Variants in SPSB4 observed in about 807,000 individuals in gnomAD.
The protein encoded by SPSB4 is splA/ryanodine receptor domain and SOCS box containing 4, also known as SPRY domain-containing SOCS box protein 4.
A neutral mutation model predicts 20.9 loss-of-function variants in SPSB4; 21 were observed. The ratio of observed to expected loss-of-function variants is 1.01; its 90% confidence interval spans 0.71 to 1.45. The LOEUF (loss-of-function observed/expected upper bound fraction) is 1.45, where lower values mean the gene tolerates loss of function less well. Ranked by LOEUF, SPSB4 falls within the 40% of genes most tolerant of loss-of-function variation. The probability of loss-of-function intolerance (pLI) is 0.00; values close to 1 mark genes in which losing one functional copy is unlikely to be tolerated. For missense variants in SPSB4, 399 were observed against 399.2 expected (o/e 1.00, Z 0.00); for synonymous variants, 207 against 183.8 (o/e 1.13, Z -1.02).
At chr3:141,122,006 G>A (rs1482630501) in intron 2 of SPSB4, among the ~76,000 whole-genome samples, 1 of 152,130 alleles carries the variant, frequency 6.6e-6, no homozygotes, top group Non-Finnish European at 1.5e-5. Context: ...TCTGGTTTTT[G>A]GAATTTTCAG....
At chr3:141,118,390 G>A (rs1263356941) in intron 2 of SPSB4, among the ~76,000 whole-genome samples, 1 of 151,980 alleles carries the variant, frequency 6.6e-6, no homozygotes, top group East Asian at 1.9e-4. Flanking sequence ...CTGGATATTA[G>A]CCCTTTGTTA....
At chr3:141,132,217 A>T (rs1325734236) in intron 2 of SPSB4, 2 of 434,222 alleles carry the variant, frequency 4.6e-6, no homozygotes, top group Admixed American at 5.1e-5. Context: ...GCCCTGGCCA[A>T]AGTGCAGTGG....
intron 2 of SPSB4, among the ~76,000 whole-genome samples, chr3:141,120,848 G>A (rs1938954811): frequency 6.6e-6 from 1 of 152,038 alleles, no homozygotes; most frequent in South Asian, 2.1e-4. Context: ...ACACTGATGG[G>A]TCTTGACTCT....
chr3:141,081,324 G>A (rs1371877322), intron 2 of SPSB4, among the ~76,000 whole-genome samples: 1 of 152,210 alleles, frequency 6.6e-6, no homozygotes, highest in East Asian at 1.9e-4. Flanking sequence ...GCGGCTCAAA[G>A]TTCTACTGGA....
At chr3:141,130,273 A>G (rs1225005110) in intron 2 of SPSB4, among the ~76,000 whole-genome samples, 2 of 152,196 alleles carry the variant, frequency 1.3e-5, no homozygotes, top group African/African-American at 4.8e-5. Context: ...AAGATGAGGC[A>G]TGTTCCTGGC....
intron 2 of SPSB4, among the ~76,000 whole-genome samples, chr3:141,139,534 G>A (rs1411709582): frequency 6.6e-6 from 1 of 152,158 alleles, no homozygotes. Flanking sequence ...AGGCCTGGTG[G>A]TAACAAAATC....
intron 2 of SPSB4, among the ~76,000 whole-genome samples, chr3:141,105,745 A>G (rs2107796677): frequency 6.6e-6 from 1 of 152,340 alleles, no homozygotes; most frequent in East Asian, 1.9e-4. Flanking sequence ...AAGAAGACAC[A>G]ATGTAAGTAA....
intron 2 of SPSB4, among the ~76,000 whole-genome samples, chr3:141,085,920 G>A (rs532241162): frequency 1.5e-4 from 23 of 152,338 alleles, no homozygotes; most frequent in African/African-American, 4.8e-4. Flanking sequence ...GGGTTTCTTG[G>A]TGCTCTGCAG....
At chr3:141,080,699 C>G (rs1938214394) in intron 2 of SPSB4, among the ~76,000 whole-genome samples, 1 of 152,236 alleles carries the variant, frequency 6.6e-6, no homozygotes, top group South Asian at 2.1e-4. Flanking sequence ...GCTGCGCAAG[C>G]CACCCAGGAG....
chr3:141,064,300 TGAA>T (rs1264357294), intron 1 of SPSB4, among the ~76,000 whole-genome samples: 1 of 152,256 alleles, frequency 6.6e-6, no homozygotes, highest in Non-Finnish European at 1.5e-5. Context: ...TCTAGTTTGC[TGAA>T]GAAGGAGTTT....
At chr3:141,102,399 C>T (rs565131432) in intron 2 of SPSB4, among the ~76,000 whole-genome samples, 4 of 152,186 alleles carry the variant, frequency 2.6e-5, no homozygotes, top group South Asian at 2.1e-4. Context: ...GGTGGCATGT[C>T]GGGAAGGTAG....
chr3:141,109,596 T>C (rs1479163236), intron 2 of SPSB4, among the ~76,000 whole-genome samples: 1 of 152,096 alleles, frequency 6.6e-6, no homozygotes, highest in African/African-American at 2.4e-5. Context: ...TCCATCGGCC[T>C]CGTGATGTGG....
chr3:141,093,319 G>T (rs929036001), intron 2 of SPSB4, among the ~76,000 whole-genome samples: 1 of 151,776 alleles, frequency 6.6e-6, no homozygotes, highest in African/African-American at 2.4e-5. Flanking sequence ...ATTGCAGTAA[G>T]CACTTTTCAT....
chr3:141,090,660 G>A lies in SPSB4; in HGVS notation c.694+23862G>A, dbSNP rs73872043. Among the ~76,000 whole-genome samples the A allele has an allele frequency of 9.0e-3, 1,376 of 152,282 alleles. 21 individuals carry two copies. The highest frequency in any genetic ancestry group is 0.032 in the African/African-American group (1,329 of 41,548). On this transcript the variant is annotated intron_variant, in intron 2 of 2. Coordinates refer to ENST00000310546, the MANE Select transcript of SPSB4 (RefSeq NM_080862.3). ...CAGGGCCTGAGACCAGAGCGAAACCGGGCACAGAGGTTAGCCGATCAAGGA... is the reference window on the plus strand; with the variant it reads ...CAGGGCCTGAGACCAGAGCGAAACCAGGCACAGAGGTTAGCCGATCAAGGA...
intron 1 of SPSB4, among the ~76,000 whole-genome samples, chr3:141,054,536 G>T (rs1209946730): frequency 6.6e-6 from 1 of 152,238 alleles, no homozygotes; most frequent in Non-Finnish European, 1.5e-5. Context: ...ACAGTTGTGG[G>T]TGGTGTGCCC....
rs541623806 is a variant in SPSB4, at chr3:141,064,414, T to A, written c.-153-1538T>A. Among the ~76,000 whole-genome samples the A allele has an allele frequency of 1.4e-4, 22 of 152,350 alleles. No homozygotes were observed. In the South Asian group the frequency reaches 4.6e-3, roughly 32 times the overall value. On this transcript the variant is annotated intron_variant, in intron 1 of 2. Transcript: ENST00000310546. The stretch of plus-strand genomic sequence containing the variant: ...CTGCCTAGTGTTGCAAATTGTTATG[T>A]GTTCTGGTATTCCCTCAGATTGAAC...
chr3:141,079,146 A>C (rs1244355494), intron 2 of SPSB4, among the ~76,000 whole-genome samples: 1 of 152,074 alleles, frequency 6.6e-6, no homozygotes, highest in Admixed American at 6.6e-5. Flanking sequence ...CTGTAGTCCC[A>C]GCTACTTGGG....
chr3:141,112,931 C>T (rs1309447714), intron 2 of SPSB4, among the ~76,000 whole-genome samples: 1 of 152,126 alleles, frequency 6.6e-6, no homozygotes, highest in African/African-American at 2.4e-5. Context: ...GTAGCTAGGA[C>T]AATGGGCAAA....
At chr3:141,069,424 C>T (rs1937951028) in intron 2 of SPSB4, among the ~76,000 whole-genome samples, 1 of 152,068 alleles carries the variant, frequency 6.6e-6, no homozygotes, top group South Asian at 2.1e-4. Flanking sequence ...GGAAGGTGAC[C>T]CAAGGTGGAT....
Sources: allele counts gnomAD v4.1 joint callset (sites outside exome capture counted in the v4.1 genomes callset), GRCh38; gene constraint gnomAD v4.1.1; transcripts MANE v1.5; gene names NCBI Gene and HGNC (gene_info 2026-07-23, HGNC 2026-07-21).